FTO: variants seen among roughly 807,000 people sequenced by gnomAD.
FTO encodes FTO alpha-ketoglutarate dependent dioxygenase.
FTO carries 47 observed loss-of-function variants against 63.9 expected under a neutral mutation model. The observed-to-expected ratio is 0.74, with a 90% CI of 0.58 to 0.94. The LOEUF (loss-of-function observed/expected upper bound fraction) is 0.94, where lower values mean the gene tolerates loss of function less well. FTO is among the 40% of genes least tolerant of loss of function. FTO has a pLI of 0.00. For missense variants in FTO, 562 were observed against 618.1 expected (o/e 0.91, Z 0.96); for synonymous variants, 207 against 224.4 (o/e 0.92, Z 0.69).
chr16:54,008,747 A>G (rs1348066230), intron 8 of FTO, among the ~76,000 whole-genome samples: 1 of 151,176 alleles, frequency 6.6e-6, no homozygotes, highest in Non-Finnish European at 1.5e-5. Context: ...CTCAGACTTT[A>G]TTTTCAAGAG....
chr16:53,783,944 T>G (rs1555633147), intron 1 of FTO, among the ~76,000 whole-genome samples: 7 of 152,206 alleles, frequency 4.6e-5, no homozygotes, highest in Non-Finnish European at 1.0e-4. Flanking sequence ...GATCATCACC[T>G]CACCTCACTG....
At chr16:53,775,087 G>GT (rs200739903) in intron 1 of FTO, among the ~76,000 whole-genome samples, 2,629 of 152,206 alleles carry the variant, frequency 0.017, 87 homozygotes, top group African/African-American at 0.06. Flanking sequence ...AAATAATAGT[G>GT]TTTACCTTTT....
chr16:54,065,164 G>A (rs192158167), intron 8 of FTO, among the ~76,000 whole-genome samples: 3 of 74,220 alleles, frequency 4.0e-5, no homozygotes, highest in Admixed American at 1.5e-4. Flanking sequence ...ATTTATTAAT[G>A]TACTGATTTT....
Position 54,036,715 on chromosome 16 carries a change from C to T in FTO, c.1365-75047C>T, listed in dbSNP as rs1012100975. Among the ~76,000 whole-genome samples the T allele has an allele frequency of 2.0e-5, 3 of 152,160 alleles. No homozygotes were observed. In the South Asian group the frequency reaches 6.2e-4, roughly 32 times the overall value. ...CATTTGGCTTTTTATAAGCTCATTGCCTCAGTTTCTCTTCCATAAATGGAG... is the reference window on the plus strand; with the variant it reads ...CATTTGGCTTTTTATAAGCTCATTGTCTCAGTTTCTCTTCCATAAATGGAG... On this transcript the variant is annotated intron_variant, in intron 8 of 8. Coordinates refer to ENST00000471389, the MANE Select transcript of FTO (RefSeq NM_001080432.3).
chr16:54,101,022 T>C (rs1171676331), intron 8 of FTO, among the ~76,000 whole-genome samples: 1 of 152,122 alleles, frequency 6.6e-6, no homozygotes, highest in African/African-American at 2.4e-5. Flanking sequence ...GCATCCCTTA[T>C]CTCCTCATCT....
Position 54,046,185 on chromosome 16 carries a change from C to T in FTO, c.1365-65577C>T, listed in dbSNP as rs1178470723. On this transcript the variant is annotated intron_variant, in intron 8 of 8. Coordinates refer to ENST00000471389, the MANE Select transcript of FTO (RefSeq NM_001080432.3). ...AAGTCAAATTGTCCGTGTTTGCAGACGACATGATTGTTTATCTAGAAAACC... is the reference window on the plus strand; with the variant it reads ...AAGTCAAATTGTCCGTGTTTGCAGATGACATGATTGTTTATCTAGAAAACC... Among the ~76,000 whole-genome samples the T allele has an allele frequency of 2.1e-5, 2 of 95,570 alleles. 1 individual carries two copies. Among genetic ancestry groups the T allele is most frequent in the African/African-American group, 1.6e-4 (2 of 12,548 alleles). The allele number at this position is 95,570 out of a possible 152,430, so 62.7% of individuals were successfully genotyped here. A position where few individuals can be genotyped will look rare whatever the true frequency, so the allele number is the denominator to read the frequency against.
intron 7 of FTO, among the ~76,000 whole-genome samples, chr16:53,893,966 G>T (rs958895773): frequency 2.0e-5 from 3 of 152,112 alleles, no homozygotes; most frequent in Non-Finnish European, 4.4e-5. Context: ...TAATGTATCC[G>T]TTTGGAAACA....
intron 6 of FTO, among the ~76,000 whole-genome samples, chr16:53,882,011 T>C (rs1257244002): frequency 4.6e-5 from 7 of 152,134 alleles, no homozygotes; most frequent in African/African-American, 1.4e-4. Context: ...CATTTTCTAA[T>C]AATTATTGGA....
chr16:54,024,552 A>G (rs1232622718), intron 8 of FTO, among the ~76,000 whole-genome samples: 3 of 151,992 alleles, frequency 2.0e-5, no homozygotes, highest in Middle Eastern at 3.2e-3. Context: ...GTTAGTTTGT[A>G]TTGCCACCAG....
chr16:53,849,445 T>G (rs1301319320), intron 4 of FTO, among the ~76,000 whole-genome samples: 1 of 152,188 alleles, frequency 6.6e-6, no homozygotes, highest in Non-Finnish European at 1.5e-5. Context: ...TTTGTCACCT[T>G]CACAAAATAC....
chr16:53,940,547 A>AG (rs1249000580), intron 8 of FTO, among the ~76,000 whole-genome samples: 12 of 152,160 alleles, frequency 7.9e-5, no homozygotes, highest in African/African-American at 1.2e-4. Context: ...TCAACATTGC[A>AG]CACTGGATAG....
intron 8 of FTO, among the ~76,000 whole-genome samples, chr16:54,105,041 A>G (rs1386789085): frequency 6.6e-6 from 1 of 152,232 alleles, no homozygotes; most frequent in African/African-American, 2.4e-5. Context: ...TTATCTTCAC[A>G]TAACCCGGTA....
intron 8 of FTO, among the ~76,000 whole-genome samples, chr16:54,054,046 T>A (rs1341247690): frequency 6.6e-6 from 1 of 152,076 alleles, no homozygotes; most frequent in Non-Finnish European, 1.5e-5. Context: ...TTTCTGCAGT[T>A]TAGTTATTTG....
chr16:53,997,142 AAGAGAG>A (rs71380054), intron 8 of FTO, among the ~76,000 whole-genome samples: 35,157 of 143,462 alleles, frequency 0.25, 4,618 homozygotes, highest in East Asian at 0.49. Context: ...GAAGGAAAGA[AAGAGAG>A]AGAGAGAGAG....
intron 8 of FTO, among the ~76,000 whole-genome samples, chr16:54,069,399 G>A (rs1364763483): frequency 2.0e-5 from 3 of 152,102 alleles, no homozygotes; most frequent in African/African-American, 4.8e-5. Context: ...ACAATCAGAC[G>A]TAGGAAGGAC....
In FTO at chr16:53,760,225, TGTGTGTGTGTGTGTGTGTGTGTGTGTG is replaced by T. The variant is rs1446045173; in HGVS notation, c.46-49914_46-49888del. On this transcript the variant is annotated intron_variant, in intron 1 of 8. Transcript: ENST00000471389. Reference sequence around the variant, plus strand: ...GCTTTGGTGTGTGTGTGTGTGTGTGTGTGTGTGTGTGTGTGTGTGTGTGTGTGTGTGTGTGTTTTTTGGAGACAGGGT... The same window carrying T: ...GCTTTGGTGTGTGTGTGTGTGTGTGTTGTGTGTGTTTTTTGGAGACAGGGT... 4.3e-3 allele frequency among the ~76,000 whole-genome samples: 254 copies of T among 59,320 alleles called. 5 individuals carry two copies. The highest frequency in any genetic ancestry group is 0.023 in the African/African-American group (172 of 7,562). The allele number at this position is 59,320 out of a possible 152,430, so 38.9% of individuals were successfully genotyped here.
chr16:53,909,556 TTTTTTTG>T, intron 7 of FTO, among the ~76,000 whole-genome samples: 1 of 145,768 alleles, frequency 6.9e-6, no homozygotes, highest in African/African-American at 2.6e-5. Flanking sequence ...TTTTTTTTTT[TTTTTTTG>T]AGACAGAGCC....
chr16:53,983,364 G>A (rs2083591065), intron 8 of FTO, among the ~76,000 whole-genome samples: 1 of 152,038 alleles, frequency 6.6e-6, no homozygotes, highest in African/African-American at 2.4e-5. Context: ...ATAATTTTTA[G>A]AGGAGATGCT....
intron 8 of FTO, among the ~76,000 whole-genome samples, chr16:54,099,938 C>G (rs556123089): frequency 6.6e-6 from 1 of 152,244 alleles, no homozygotes; most frequent in African/African-American, 2.4e-5. Flanking sequence ...TTTCTGGACC[C>G]AAAGACACGT....
Sources: gnomAD v4.1 joint callset for allele counts (sites outside exome capture counted in the v4.1 genomes callset) on GRCh38, gnomAD v4.1.1 for gene constraint, MANE v1.5 for transcripts, NCBI Gene and HGNC (gene_info 2026-07-23, HGNC 2026-07-21) for gene names.